Variants in FIG4 observed in about 807,000 individuals in gnomAD.
FIG4 encodes the protein polyphosphoinositide phosphatase.
A neutral mutation model predicts 118.6 loss-of-function variants in FIG4; 112 were observed. That is an observed-to-expected ratio of 0.94 (90% CI 0.81 to 1.11). FIG4 has a LOEUF of 1.11. Among genes scored for constraint, FIG4 ranks in the 50% least tolerant of loss-of-function variants. The pLI is 0.00. For synonymous variants in FIG4, 369 were observed against 381.2 expected, an observed-to-expected ratio of 0.97 and a Z score of 0.37; for missense variants, 969 against 1,111.7, an observed-to-expected ratio of 0.87 and a Z score of 1.83.
intron 22 of FIG4, among the ~76,000 whole-genome samples, chr6:109,819,085 C>G (rs1202357041): frequency 6.6e-6 from 1 of 152,196 alleles, no homozygotes; most frequent in Non-Finnish European, 1.5e-5. Flanking sequence ...AGTCCAGGAT[C>G]TCTGGGTATG....
intron 10 of FIG4, among the ~76,000 whole-genome samples, chr6:109,745,134 C>A (rs1297042336): frequency 1.3e-5 from 2 of 152,012 alleles, no homozygotes; most frequent in African/African-American, 4.8e-5. Context: ...TAGAATGATT[C>A]ATAATCCTTT....
intron 3 of FIG4, among the ~76,000 whole-genome samples, chr6:109,720,305 GA>G (rs1210140784): frequency 1.3e-5 from 2 of 152,156 alleles, no homozygotes; most frequent in African/African-American, 2.4e-5. Context: ...ACTTATCTTT[GA>G]AAAATGTGTA....
intron 19 of FIG4, 75 bp from the exon 20 acceptor site, chr6:109,791,301 T>C: frequency 2.3e-6 from 3 of 1,280,610 alleles, no homozygotes; most frequent in Non-Finnish European, 3.4e-6. Context: ...CCTAAGGCTT[T>C]GGGACAGAGT....
chr6:109,722,360 G>T (rs1221581920), intron 3 of FIG4, among the ~76,000 whole-genome samples: 1 of 151,954 alleles, frequency 6.6e-6, no homozygotes, highest in Non-Finnish European at 1.5e-5. Flanking sequence ...TTCCATTATA[G>T]ATTTCAGCTC....
intron 15 of FIG4, among the ~76,000 whole-genome samples, chr6:109,770,174 A>C (rs1219577455): frequency 2.6e-5 from 4 of 152,150 alleles, no homozygotes; most frequent in Admixed American, 6.6e-5. Context: ...ATCTCTTCAG[A>C]TGTTAGGGAG....
chr6:109,790,960 G>A (rs1193823600), intron 19 of FIG4, among the ~76,000 whole-genome samples: 1 of 152,160 alleles, frequency 6.6e-6, no homozygotes, highest in Admixed American at 6.5e-5. Context: ...AGGCGGGAGA[G>A]AAATATACAT....
intron 1 of FIG4, among the ~76,000 whole-genome samples, chr6:109,714,656 G>A (rs1045916460): frequency 2.0e-5 from 3 of 152,188 alleles, no homozygotes; most frequent in African/African-American, 7.2e-5. Context: ...ATGAAAATTT[G>A]TAAGTAGTTT....
intron 22 of FIG4, among the ~76,000 whole-genome samples, chr6:109,824,167 G>C (rs1453558248): frequency 6.6e-6 from 1 of 152,216 alleles, no homozygotes; most frequent in Non-Finnish European, 1.5e-5. Context: ...CAGCCCAAGT[G>C]GGGTGGGAAT....
At chr6:109,805,647 C>T (rs1778545621) in intron 22 of FIG4, among the ~76,000 whole-genome samples, 1 of 152,146 alleles carries the variant, frequency 6.6e-6, no homozygotes, top group Admixed American at 6.6e-5. Flanking sequence ...TAAAATGTAT[C>T]CTGTCCTTAT....
intron 22 of FIG4, among the ~76,000 whole-genome samples, chr6:109,822,091 T>C (rs1779022039): frequency 6.6e-6 from 1 of 152,178 alleles, no homozygotes; most frequent in South Asian, 2.1e-4. Context: ...TTAAAAAGCA[T>C]ATCACACTTT....
intron 4 of FIG4, among the ~76,000 whole-genome samples, chr6:109,731,130 C>A (rs897568089): frequency 2.6e-5 from 4 of 152,108 alleles, no homozygotes; most frequent in African/African-American, 9.7e-5. Flanking sequence ...TAAAAAGGTA[C>A]CATTTTATTC....
At chr6:109,738,483 A>T (rs1262231192) in intron 7 of FIG4, 30 bp downstream of exon 7, 1 of 1,592,534 alleles carries the variant, frequency 6.3e-7, no homozygotes, top group Admixed American at 1.7e-5. Context: ...AGTAAGATAC[A>T]TATTACTAAA....
intron 4 of FIG4, 138 bp from the exon 5 acceptor site, chr6:109,732,499 C>A: frequency 1.5e-6 from 1 of 647,276 alleles, no homozygotes; most frequent in Non-Finnish European, 2.8e-6. Context: ...TGGATGTAAT[C>A]CCTATTCTAG....
chr6:109,706,867 C>T (rs903101304), intron 1 of FIG4, among the ~76,000 whole-genome samples: 1 of 152,070 alleles, frequency 6.6e-6, no homozygotes, highest in African/African-American at 2.4e-5. Flanking sequence ...CTAACAAGCA[C>T]GTATAGTTTA....
intron 11 of FIG4, among the ~76,000 whole-genome samples, chr6:109,760,831 C>T (rs1215388393): frequency 6.6e-6 from 1 of 152,122 alleles, no homozygotes. Context: ...CTGTTCTCTT[C>T]CAGAAAACTG....
chr6:109,743,636 T>C (rs373273350), intron 9 of FIG4, 39 bp from the exon 10 acceptor site: 9 of 1,504,820 alleles, frequency 6.0e-6, no homozygotes, highest in Non-Finnish European at 7.4e-6. Flanking sequence ...TGCTTTGCAA[T>C]TTTCATTCAG....
At chr6:109,800,005 A>G (rs765052738) in intron 22 of FIG4, among the ~76,000 whole-genome samples, 5 of 152,196 alleles carry the variant, frequency 3.3e-5, no homozygotes, top group African/African-American at 1.2e-4. Flanking sequence ...TCTGTGTACC[A>G]TAGCCTGTTC....
intron 10 of FIG4, among the ~76,000 whole-genome samples, chr6:109,753,083 T>C (rs1776761906): frequency 6.6e-6 from 1 of 152,206 alleles, no homozygotes; most frequent in Non-Finnish European, 1.5e-5. Flanking sequence ...CAGCACCATT[T>C]ATTAAATAGG....
intron 7 of FIG4, 123 bp from the exon 8 acceptor site, chr6:109,741,321 G>C: frequency 1.3e-6 from 1 of 776,008 alleles, no homozygotes; most frequent in South Asian, 1.4e-5. Flanking sequence ...TTCTTGGGTG[G>C]AGCTTTTGGT....
Sources: gnomAD v4.1 joint callset for allele counts (sites outside exome capture counted in the v4.1 genomes callset) on GRCh38, gnomAD v4.1.1 for gene constraint, MANE v1.5 for transcripts, NCBI Gene and HGNC (gene_info 2026-07-23, HGNC 2026-07-21) for gene names.